The following PTK2 variants were observed in gnomAD, a reference collection of about 807,000 sequenced individuals.
PTK2 encodes the protein protein tyrosine kinase 2.
Under a neutral mutation model 150.1 loss-of-function variants are expected in PTK2, and 45 were observed. The observed-to-expected ratio is 0.30, with a 90% CI of 0.24 to 0.38. The LOEUF (loss-of-function observed/expected upper bound fraction) is 0.38. Among genes scored for constraint, PTK2 ranks in the 10% least tolerant of loss-of-function variants. The pLI is 1.00. For missense variants in PTK2, 919 were observed against 1,307.3 expected, an observed-to-expected ratio of 0.70 and a Z score of 4.58; for synonymous variants, 432 against 449.2, an observed-to-expected ratio of 0.96 and a Z score of 0.48.
intron 22 of PTK2, among the ~76,000 whole-genome samples, chr8:140,729,532 A>G (rs1445504241): frequency 6.6e-6 from 1 of 152,244 alleles, no homozygotes; most frequent in Non-Finnish European, 1.5e-5. Context: ...AAAGGAAGCC[A>G]TGTCCCCCTC....
intron 1 of PTK2, among the ~76,000 whole-genome samples, chr8:140,973,442 C>A (rs1395445064): frequency 6.6e-6 from 1 of 151,680 alleles, no homozygotes; most frequent in African/African-American, 2.4e-5. Context: ...TTAGATATAC[C>A]CCTAAAATTC....
chr8:140,816,249 T>C (rs1420685011), intron 10 of PTK2, among the ~76,000 whole-genome samples: 2 of 152,158 alleles, frequency 1.3e-5, no homozygotes, highest in Non-Finnish European at 2.9e-5. Context: ...GGCCCAAAAC[T>C]ATAAAATACT....
chr8:140,710,278 T>C (rs552706966), intron 23 of PTK2, among the ~76,000 whole-genome samples: 6 of 148,298 alleles, frequency 4.0e-5, no homozygotes, highest in Non-Finnish European at 7.4e-5. Context: ...TGCAGTGACC[T>C]GAGATCATAT....
chr8:140,671,315 G>A lies in PTK2; in HGVS notation c.2710-2891C>T, dbSNP rs368969468. ...CAGCTCACCACAACCACCGCCTCCT[G>A]GATTCCAGCGATTCTTGTGCCTCAG... On this transcript the variant is annotated intron_variant, in intron 29 of 31. Coordinates refer to ENST00000522684, the Ensembl canonical transcript of PTK2. 1.7e-4 allele frequency among the ~76,000 whole-genome samples: 26 copies of A among 152,224 alleles called. No individual in the cohort carries two copies. The East Asian group carries it at 3.9e-3, about 23-fold the overall frequency.
At chr8:141,000,261 A>G (rs2100199579) in intron 1 of PTK2, among the ~76,000 whole-genome samples, 1 of 152,282 alleles carries the variant, frequency 6.6e-6, no homozygotes, top group East Asian at 1.9e-4. Context: ...GGGAAGCACA[A>G]TGACTCCAGT....
exon 22 of PTK2, chr8:140,735,448 A>G: frequency 6.2e-7 from 1 of 1,613,906 alleles, no homozygotes; most frequent in Non-Finnish European, 8.5e-7. Context: ...TCTCCCACAT[A>G]CACACACCTG....
At chr8:140,885,646 C>T (rs912547660) in intron 3 of PTK2, among the ~76,000 whole-genome samples, 1 of 152,098 alleles carries the variant, frequency 6.6e-6, no homozygotes, top group African/African-American at 2.4e-5. Context: ...AGCCACATCC[C>T]GTAGGTCCTT....
chr8:140,691,200 TG>T lies in PTK2; in HGVS notation c.2500-4507del, dbSNP rs905856680. Among the ~76,000 whole-genome samples, 191 of 136,442 alleles carry T rather than the reference TG, an allele frequency of 1.4e-3. 2 individuals carry two copies. Among genetic ancestry groups the T allele is most frequent in the Middle Eastern group, 7.2e-3 (2 of 276 alleles). 89.5% of individuals were successfully genotyped at this position (136,442 alleles called of 152,430 possible). A position where few individuals can be genotyped will look rare whatever the true frequency, so the allele number is the denominator to read the frequency against. ...TTCTTCTTTTAGAGATGGTTGGGGG[TG>T]GGGGGTCTCACTATGTTATCCAGGC... On this transcript the variant is annotated intron_variant, in intron 26 of 31. Coordinates refer to ENST00000522684, the Ensembl canonical transcript of PTK2.
intron 21 of PTK2, among the ~76,000 whole-genome samples, chr8:140,738,745 G>A (rs1252455800): frequency 6.6e-6 from 1 of 152,168 alleles, no homozygotes; most frequent in South Asian, 2.1e-4. Context: ...CCCCTGTGAG[G>A]AAAGAAGAGA....
rs370107363 is a variant in PTK2 at position 140,803,630 on chromosome 8, G to C, written c.888C>G (p.Phe296Leu). ...AATACTGAATGGTTTGCACTTGAGT[G>C]AAGTCAGCAAGATGTGTGGGCTATA... The change falls in exon 11 of 32, where the codon TTC (phenylalanine) becomes TTG (leucine). Residue 296 changes from phenylalanine (F) to leucine (L), a missense_variant. Physicochemically the swap from Phe to Leu is conservative, Grantham distance 22. Coordinates refer to ENST00000522684, the Ensembl canonical transcript of PTK2. The C allele has an allele frequency of 5.0e-6, 8 of 1,613,726 alleles. No homozygotes were observed. In the African/African-American group the frequency reaches 1.1e-4, roughly 22 times the overall value.
At chr8:140,898,924 C>T (rs182449778) in intron 2 of PTK2, among the ~76,000 whole-genome samples, 1 of 152,262 alleles carries the variant, frequency 6.6e-6, no homozygotes, top group African/African-American at 2.4e-5. Flanking sequence ...ACAGCTAAAT[C>T]AAAAGAAATT....
intron 2 of PTK2, among the ~76,000 whole-genome samples, chr8:140,909,385 A>G (rs1211350464): frequency 6.6e-6 from 1 of 152,232 alleles, no homozygotes; most frequent in Non-Finnish European, 1.5e-5. Context: ...ATTACAGGAC[A>G]GCTAAAACTT....
chr8:140,876,567 G>C (rs571056236), intron 4 of PTK2, among the ~76,000 whole-genome samples: 5 of 152,126 alleles, frequency 3.3e-5, no homozygotes, highest in Non-Finnish European at 7.4e-5. Flanking sequence ...GAAGGCTCAT[G>C]TCATTCATTG....
chr8:140,783,868 A>G (rs2100083265), intron 14 of PTK2, among the ~76,000 whole-genome samples: 1 of 152,238 alleles, frequency 6.6e-6, no homozygotes. Flanking sequence ...CTGAAAAAGT[A>G]TCACAAAGGG....
chr8:140,812,493 A>G (rs893556485), intron 10 of PTK2, among the ~76,000 whole-genome samples: 9 of 152,254 alleles, frequency 5.9e-5, no homozygotes, highest in Non-Finnish European at 1.2e-4. Context: ...AGTTTGCCTA[A>G]TAACAAGCTA....
intron 4 of PTK2, among the ~76,000 whole-genome samples, chr8:140,871,127 T>C (rs2100142245): frequency 6.6e-6 from 1 of 152,236 alleles, no homozygotes; most frequent in Non-Finnish European, 1.5e-5. Context: ...CAGACCATTT[T>C]GAAGTCTAAA....
chr8:140,822,830 A>T (rs924902193), intron 8 of PTK2, among the ~76,000 whole-genome samples: 16 of 152,238 alleles, frequency 1.1e-4, no homozygotes, highest in Admixed American at 1.0e-3. Flanking sequence ...TGTCTCTGCC[A>T]TAACAACTTG....
At chr8:140,929,663 T>C (rs898349150) in intron 1 of PTK2, among the ~76,000 whole-genome samples, 1 of 152,168 alleles carries the variant, frequency 6.6e-6, no homozygotes, top group Non-Finnish European at 1.5e-5. Flanking sequence ...AAATCATCTT[T>C]TCCATCACCC....
chr8:140,803,005 CTTTTTTTTTTTTTTTTT>C (rs778981723), intron 11 of PTK2, among the ~76,000 whole-genome samples: 3 of 77,348 alleles, frequency 3.9e-5, no homozygotes, highest in Non-Finnish European at 7.2e-5. Context: ...TGATGACAAT[CTTTTTTTTTTTTTTTTT>C]TTTTTTTTTT....
Sources: allele counts gnomAD v4.1 joint callset (sites outside exome capture counted in the v4.1 genomes callset), GRCh38; gene constraint gnomAD v4.1.1; transcripts MANE v1.5; gene names NCBI Gene and HGNC (gene_info 2026-07-23, HGNC 2026-07-21).